The following TMTC1 variants were observed in gnomAD, a reference collection of about 807,000 sequenced individuals.
TMTC1 encodes the protein transmembrane O-mannosyltransferase targeting cadherins 1.
TMTC1 carries 73 observed loss-of-function variants against 104.8 expected under a neutral mutation model. That is an observed-to-expected ratio of 0.70 (90% CI 0.58 to 0.85). The LOEUF is 0.85. Among genes scored for constraint, TMTC1 ranks in the 40% least tolerant of loss-of-function variants. The pLI is 0.00. For missense variants in TMTC1, 1,035 were observed against 1,096.1 expected, an observed-to-expected ratio of 0.94 and a Z score of 0.79; for synonymous variants, 434 against 428.7, an observed-to-expected ratio of 1.01 and a Z score of -0.15.
chr12:29,531,278 T>C (rs929645248), intron 11 of TMTC1, among the ~76,000 whole-genome samples: 4 of 152,208 alleles, frequency 2.6e-5, no homozygotes, highest in Non-Finnish European at 5.9e-5. Context: ...TGAATGTACC[T>C]CAAATATAGC....
intron 5 of TMTC1, among the ~76,000 whole-genome samples, chr12:29,745,307 A>C (rs1213216786): frequency 6.6e-6 from 1 of 152,056 alleles, no homozygotes; most frequent in Admixed American, 6.6e-5. Context: ...CTTAGCAAAA[A>C]CGATGGTCAA....
chr12:29,781,923 T>C (rs555214682), intron 1 of TMTC1, among the ~76,000 whole-genome samples: 11 of 152,354 alleles, frequency 7.2e-5, no homozygotes, highest in African/African-American at 2.4e-4. Flanking sequence ...CTCCAGCAAG[T>C]AGGCACAGGC....
At chr12:29,519,060 A>G (rs1944073502) in intron 12 of TMTC1, among the ~76,000 whole-genome samples, 1 of 152,240 alleles carries the variant, frequency 6.6e-6, no homozygotes, top group African/African-American at 2.4e-5. Flanking sequence ...CAACATAGCA[A>G]TTGAAGCATT....
intron 5 of TMTC1, among the ~76,000 whole-genome samples, chr12:29,682,396 T>C (rs976095275): frequency 2.6e-5 from 4 of 152,146 alleles, no homozygotes; most frequent in African/African-American, 9.6e-5. Context: ...TTATCCCAGA[T>C]AAATAAAAAA....
At chr12:29,547,062 A>G (rs1297300294) in intron 10 of TMTC1, among the ~76,000 whole-genome samples, 1 of 152,202 alleles carries the variant, frequency 6.6e-6, no homozygotes, top group Admixed American at 6.5e-5. Flanking sequence ...GGGGTGGGAA[A>G]ATGATTTTCA....
intron 6 of TMTC1, among the ~76,000 whole-genome samples, chr12:29,604,888 T>A (rs1946657198): frequency 1.3e-5 from 2 of 152,196 alleles, no homozygotes; most frequent in Admixed American, 6.5e-5. Context: ...TTTACTCCAT[T>A]GATTTTTTGA....
chr12:29,572,629 C>T (rs1233673431), intron 8 of TMTC1, among the ~76,000 whole-genome samples: 1 of 152,166 alleles, frequency 6.6e-6, no homozygotes. Flanking sequence ...CACACACAAC[C>T]TTGCAATTAA....
intron 5 of TMTC1, chr12:29,666,228 CTTTTTTT>C (rs751968439): frequency 2.6e-4 from 96 of 366,310 alleles, no homozygotes; most frequent in South Asian, 6.4e-4. Flanking sequence ...TTTCTTTTTT[CTTTTTTT>C]TTTTTTTTTG....
chr12:29,579,903 C>A (rs755814925), intron 8 of TMTC1, among the ~76,000 whole-genome samples: 4 of 152,162 alleles, frequency 2.6e-5, no homozygotes, highest in Non-Finnish European at 1.5e-5. Flanking sequence ...AGTTTATGCA[C>A]CTTTTGATTT....
intron 9 of TMTC1, among the ~76,000 whole-genome samples, chr12:29,562,851 G>C (rs1049744686): frequency 6.6e-6 from 1 of 152,146 alleles, no homozygotes; most frequent in Non-Finnish European, 1.5e-5. Flanking sequence ...GGACCTCTGG[G>C]TGATTTGACT....
intron 5 of TMTC1, among the ~76,000 whole-genome samples, chr12:29,748,888 G>A (rs1180024015): frequency 6.6e-6 from 1 of 152,180 alleles, no homozygotes; most frequent in Admixed American, 6.5e-5. Context: ...AAACAAGGTA[G>A]TACATATTCA....
intron 6 of TMTC1, among the ~76,000 whole-genome samples, chr12:29,616,124 T>C (rs1419345138): frequency 2.0e-5 from 3 of 152,204 alleles, no homozygotes; most frequent in South Asian, 2.1e-4. Context: ...TAAAGAAATA[T>C]GTTTAACTTT....
chr12:29,778,182 T>C (rs1397080962), intron 1 of TMTC1, among the ~76,000 whole-genome samples: 1 of 152,328 alleles, frequency 6.6e-6, no homozygotes, highest in Non-Finnish European at 1.5e-5. Context: ...TAAAGCATTA[T>C]AGCAAATATA....
At chr12:29,568,229 C>A (rs1253062666) in intron 9 of TMTC1, among the ~76,000 whole-genome samples, 6 of 152,026 alleles carry the variant, frequency 3.9e-5, no homozygotes, top group South Asian at 4.1e-4. Flanking sequence ...ATTAAAAGCA[C>A]AATACAAAAT....
At chr12:29,620,994 C>G (rs1214917832) in intron 6 of TMTC1, among the ~76,000 whole-genome samples, 1 of 152,054 alleles carries the variant, frequency 6.6e-6, no homozygotes, top group Non-Finnish European at 1.5e-5. Context: ...GGTCTCCAGG[C>G]AGAACAAGAT....
At chr12:29,720,632 A>G (rs1942210842) in intron 5 of TMTC1, among the ~76,000 whole-genome samples, 1 of 59,812 alleles carries the variant, frequency 1.7e-5, no homozygotes, top group Non-Finnish European at 3.8e-5. Context: ...AAATGGACAA[A>G]AAGATAGAAA....
intron 8 of TMTC1, among the ~76,000 whole-genome samples, chr12:29,575,355 T>C (rs1389675413): frequency 2.0e-5 from 3 of 151,982 alleles, no homozygotes; most frequent in Non-Finnish European, 2.9e-5. Context: ...ACTAACTCTC[T>C]CAGATTACAT....
intron 9 of TMTC1, among the ~76,000 whole-genome samples, chr12:29,570,097 A>G (rs1945625672): frequency 6.6e-6 from 1 of 152,082 alleles, no homozygotes; most frequent in African/African-American, 2.4e-5. Context: ...ATACTGATAC[A>G]TTTCCTACCA....
chr12:29,693,529 C>T (rs1452362526), intron 5 of TMTC1, among the ~76,000 whole-genome samples: 4 of 152,092 alleles, frequency 2.6e-5, no homozygotes, highest in Non-Finnish European at 5.9e-5. Context: ...CTTCGTTCCC[C>T]ACCCGTTCCC....
Sources: allele counts gnomAD v4.1 joint callset (sites outside exome capture counted in the v4.1 genomes callset), GRCh38; gene constraint gnomAD v4.1.1; transcripts MANE v1.5; gene names NCBI Gene and HGNC (gene_info 2026-07-23, HGNC 2026-07-21).